Variants in PLEKHG4B observed in about 807,000 individuals in gnomAD.
PLEKHG4B encodes the protein pleckstrin homology and RhoGEF domain containing G4B.
A neutral mutation model predicts 121.3 loss-of-function variants in PLEKHG4B; 111 were observed. The observed-to-expected ratio is 0.92, with a 90% CI of 0.78 to 1.07. PLEKHG4B has a LOEUF of 1.07. PLEKHG4B is among the 50% of genes least tolerant of loss of function. The pLI, the probability that PLEKHG4B is intolerant of heterozygous loss-of-function variation, is 0.00. For synonymous variants in PLEKHG4B, 738 were observed against 725.0 expected, an observed-to-expected ratio of 1.02 and a Z score of -0.29; for missense variants, 1,831 against 1,757.8, an observed-to-expected ratio of 1.04 and a Z score of -0.74.
intron 1 of PLEKHG4B, among the ~76,000 whole-genome samples, chr5:93,617 A>G (rs556114218): frequency 2.6e-5 from 4 of 152,306 alleles, no homozygotes; most frequent in African/African-American, 9.6e-5. Context: ...GGCAGCCGGT[A>G]GGCCAGGGTG....
At chr5:181,240 C>T (rs920118129) in intron 18 of PLEKHG4B, among the ~76,000 whole-genome samples, 9 of 152,168 alleles carry the variant, frequency 5.9e-5, no homozygotes, top group African/African-American at 2.2e-4. Context: ...AGGAACCCTT[C>T]CTCACCCCCA....
At chr5:155,507 A>T (rs1735746232) in intron 9 of PLEKHG4B, 64 bp downstream of exon 9, 7 of 1,275,086 alleles carry the variant, frequency 5.5e-6, no homozygotes, top group Non-Finnish European at 8.0e-6. Flanking sequence ...CATAAAGGTT[A>T]GCCAAACTTG....
At chr5:141,522 A>G (rs1268548711) in intron 3 of PLEKHG4B, among the ~76,000 whole-genome samples, 1 of 150,574 alleles carries the variant, frequency 6.6e-6, no homozygotes, top group African/African-American at 2.4e-5. Flanking sequence ...GCTCTTGGGC[A>G]CCCATCGCTG....
chr5:121,033 T>C (rs867114254), intron 2 of PLEKHG4B, among the ~76,000 whole-genome samples: 1 of 151,536 alleles, frequency 6.6e-6, no homozygotes, highest in Middle Eastern at 3.4e-3. Context: ...GATCACGAGG[T>C]CAGGAGATCG....
intron 2 of PLEKHG4B, among the ~76,000 whole-genome samples, chr5:116,374 T>C (rs1255433706): frequency 1.3e-5 from 2 of 152,166 alleles, no homozygotes; most frequent in African/African-American, 2.4e-5. Flanking sequence ...GATATAATAA[T>C]AATGAAGGAG....
chr5:118,547 T>TACA, intron 2 of PLEKHG4B, among the ~76,000 whole-genome samples: 1 of 152,362 alleles, frequency 6.6e-6, no homozygotes, highest in South Asian at 2.1e-4. Context: ...AATATGCATC[T>TACA]TTAACTCACT....
Position 134,115 on chromosome 5 carries a change from A to G in PLEKHG4B, c.244-5368A>G, listed in dbSNP as rs1055701300. Among the ~76,000 whole-genome samples, 50 of 122,220 alleles carry G rather than the reference A, an allele frequency of 4.1e-4. 1 individual carries two copies. The highest frequency in any genetic ancestry group is 1.4e-3 in the East Asian group (6 of 4,324). 80.2% of individuals were successfully genotyped at this position (122,220 alleles called of 152,430 possible). On this transcript the variant is annotated intron_variant, in intron 2 of 19. Coordinates refer to ENST00000637938, the MANE Select transcript of PLEKHG4B (RefSeq NM_052909.5). ...TATATATATATATATATATATATAT[A>G]TATATATGTGATGGAATACTACTCA...
At chr5:121,049 A>G (rs1416345907) in intron 2 of PLEKHG4B, among the ~76,000 whole-genome samples, 2 of 152,094 alleles carry the variant, frequency 1.3e-5, no homozygotes, top group Non-Finnish European at 2.9e-5. Context: ...GATCGAGACC[A>G]TCCTGGCTAA....
chr5:112,919 A>G (rs535287907), intron 1 of PLEKHG4B, among the ~76,000 whole-genome samples: 1 of 152,024 alleles, frequency 6.6e-6, no homozygotes, highest in Non-Finnish European at 1.5e-5. Context: ...CTTACCCTAA[A>G]TCTAGGCTTG....
chr5:152,377 CTTT>C (rs34114320), intron 7 of PLEKHG4B, among the ~76,000 whole-genome samples: 7 of 143,110 alleles, frequency 4.9e-5, no homozygotes, highest in African/African-American at 1.5e-4. Flanking sequence ...TGCCAAGCTA[CTTT>C]TTTTTTTTTT....
Position 185,412 on chromosome 5 carries a change from A to G in PLEKHG4B, c.*3089A>G, listed in dbSNP as rs575065765. 6.6e-6 allele frequency: 1 copy of G among 152,242 alleles called. No homozygotes were observed. The highest frequency in any genetic ancestry group is 1.5e-5 in the Non-Finnish European group (1 of 68,050). 9.4% of individuals were successfully genotyped at this position (152,242 alleles called of 1,614,324 possible). A position where few individuals can be genotyped will look rare whatever the true frequency, so the allele number is the denominator to read the frequency against. The stretch of plus-strand genomic sequence containing the variant: ...CAAAGCAGTATTTTTTTAAAGTACA[A>G]TCATGCACACAGCACTTCCCCTGGG... On this transcript the variant is annotated 3_prime_UTR_variant, in exon 20 of 20. Transcript: ENST00000637938.
At chr5:141,885 G>C (rs1207829983) in intron 3 of PLEKHG4B, among the ~76,000 whole-genome samples, 5 of 152,128 alleles carry the variant, frequency 3.3e-5, no homozygotes, top group Admixed American at 3.3e-4. Context: ...CCCCCGCGGT[G>C]CCTGGAGACA....
chr5:138,284 A>G (rs764737667), intron 2 of PLEKHG4B, among the ~76,000 whole-genome samples: 8 of 152,208 alleles, frequency 5.3e-5, no homozygotes, highest in African/African-American at 7.2e-5. Flanking sequence ...CAAATTTGCC[A>G]TATCAATGAT....
At chr5:171,520 G>C (rs952304016) in intron 16 of PLEKHG4B, 76 bp downstream of exon 16, 152 of 1,365,310 alleles carry the variant, frequency 1.1e-4, no homozygotes, top group Admixed American at 2.8e-4. Flanking sequence ...CTTGGCCCCA[G>C]CAGCACACTT....
At chr5:145,390 C>T (rs192175801) in intron 6 of PLEKHG4B, among the ~76,000 whole-genome samples, 17 of 152,310 alleles carry the variant, frequency 1.1e-4, no homozygotes, top group Admixed American at 7.2e-4. Flanking sequence ...AGGGTGGGGA[C>T]GAACCTGGCA....
chr5:144,932 T>C lies in PLEKHG4B; in HGVS notation c.1905+12T>C. ...TCTCAGGATTGCAGGTACGGCAAGG[T>C]TGTCATATCCCTTGGGTGTGCAGAG... On this transcript the variant is annotated intron_variant, in intron 6 of 19. Transcript: ENST00000637938. The C allele has an allele frequency of 6.2e-7, 1 of 1,611,274 alleles. No individual in the cohort carries two copies. Among genetic ancestry groups the C allele is most frequent in the South Asian group, 1.1e-5 (1 of 90,984 alleles).
chr5:95,111 T>C (rs1250173690), intron 1 of PLEKHG4B, among the ~76,000 whole-genome samples: 1 of 152,212 alleles, frequency 6.6e-6, no homozygotes, highest in Non-Finnish European at 1.5e-5. Flanking sequence ...TTGAATTCTT[T>C]TTGATTGATC....
intron 1 of PLEKHG4B, among the ~76,000 whole-genome samples, chr5:106,334 C>T (rs1385267564): frequency 6.6e-6 from 1 of 152,178 alleles, no homozygotes; most frequent in Non-Finnish European, 1.5e-5. Context: ...CTCCGGGGGC[C>T]TGACAGCTCC....
At chr5:133,920 A>ACG (rs1429227737) in intron 2 of PLEKHG4B, among the ~76,000 whole-genome samples, 3 of 145,054 alleles carry the variant, frequency 2.1e-5, no homozygotes, top group Admixed American at 2.0e-4. Context: ...TGTGACACAC[A>ACG]CGCACACACA....
Sources: allele counts gnomAD v4.1 joint callset (sites outside exome capture counted in the v4.1 genomes callset), GRCh38; gene constraint gnomAD v4.1.1; transcripts MANE v1.5; gene names NCBI Gene and HGNC (gene_info 2026-07-23, HGNC 2026-07-21).